PTGIS: variants seen among roughly 807,000 people sequenced by gnomAD.
The protein encoded by PTGIS is prostaglandin I2 synthase.
Under a neutral mutation model 50.3 loss-of-function variants are expected in PTGIS, and 45 were observed. The observed-to-expected ratio is 0.90, with a 90% CI of 0.70 to 1.15. PTGIS has a LOEUF of 1.15. Ranked by LOEUF, PTGIS falls within the 50% of genes most tolerant of loss-of-function variation. PTGIS has a pLI of 0.00. For missense variants in PTGIS, 668 were observed against 661.3 expected, an observed-to-expected ratio of 1.01 and a Z score of -0.11; for synonymous variants, 260 against 267.7, an observed-to-expected ratio of 0.97 and a Z score of 0.28.
intron 5 of PTGIS, among the ~76,000 whole-genome samples, chr20:49,536,449 T>TC: frequency 1.4e-5 from 2 of 146,768 alleles, no homozygotes; most frequent in African/African-American, 4.9e-5. Context: ...CTTTTTCTTT[T>TC]TTTCTTTTCT....
chr20:49,525,095 T>A (rs1981762165), intron 5 of PTGIS, among the ~76,000 whole-genome samples: 3 of 152,036 alleles, frequency 2.0e-5, no homozygotes, highest in African/African-American at 4.8e-5. Context: ...CAGAAAGACA[T>A]CAGCAACAAC....
intron 7 of PTGIS, among the ~76,000 whole-genome samples, chr20:49,513,551 ATC>A (rs1260604975): frequency 6.6e-6 from 1 of 151,984 alleles, no homozygotes; most frequent in Admixed American, 6.5e-5. Flanking sequence ...AGGGCCATCA[ATC>A]TCTGTTCCTG....
rs1395376838 is a variant in PTGIS at position 49,536,476 on chromosome 20, TTC to T, written c.673+3092_673+3093del. Among the ~76,000 whole-genome samples, 77 of 136,826 alleles carry T rather than the reference TTC, an allele frequency of 5.6e-4. 1 individual carries two copies. The highest frequency in any genetic ancestry group is 2.1e-3 in the African/African-American group (68 of 31,678). 89.8% of individuals were successfully genotyped at this position (136,826 alleles called of 152,430 possible). A position where few individuals can be genotyped will look rare whatever the true frequency, so the allele number is the denominator to read the frequency against. On this transcript the variant is annotated intron_variant, in intron 5 of 9. Coordinates refer to ENST00000244043, the MANE Select transcript of PTGIS (RefSeq NM_000961.4). ...TTCTTTTCTTTCTTTCTTTCTTTCT[TTC>T]TTTTTTTTTTTTTTTTTTTTGAGAC...
chr20:49,521,514 C>T (rs113110790), intron 6 of PTGIS, among the ~76,000 whole-genome samples: 2,948 of 152,290 alleles, frequency 0.019, 38 homozygotes, highest in Middle Eastern at 0.061. Context: ...CCTCAGCCAG[C>T]ATCCAGTTTT....
chr20:49,564,096 G>T (rs959620314), intron 1 of PTGIS, among the ~76,000 whole-genome samples: 1 of 152,212 alleles, frequency 6.6e-6, no homozygotes, highest in African/African-American at 2.4e-5. Flanking sequence ...ACCGAATGGG[G>T]CTCGAAAATT....
intron 1 of PTGIS, among the ~76,000 whole-genome samples, chr20:49,556,404 G>A (rs998444832): frequency 6.6e-6 from 1 of 152,134 alleles, no homozygotes; most frequent in Admixed American, 6.6e-5. Context: ...CGTTTACAGG[G>A]TCCTGACCTG....
At chr20:49,523,413 C>CA (rs1369827350) in intron 6 of PTGIS, among the ~76,000 whole-genome samples, 2 of 151,790 alleles carry the variant, frequency 1.3e-5, no homozygotes, top group East Asian at 3.9e-4. Flanking sequence ...CAAGGTGAGG[C>CA]ATATATAGGA....
chr20:49,555,555 G>A (rs1394920727), intron 1 of PTGIS, among the ~76,000 whole-genome samples: 1 of 152,112 alleles, frequency 6.6e-6, no homozygotes, highest in Non-Finnish European at 1.5e-5. Flanking sequence ...ATGAAATGGT[G>A]TTTAATCTTC....
intron 6 of PTGIS, among the ~76,000 whole-genome samples, chr20:49,517,453 AGTGTGTGTGT>A (rs34021649): frequency 3.4e-5 from 5 of 149,156 alleles, no homozygotes; most frequent in African/African-American, 1.2e-4. Context: ...TGTGAGTGTG[AGTGTGTGTGT>A]GTGTGTGTGT....
chr20:49,526,971 T>A (rs1310440702), intron 5 of PTGIS, among the ~76,000 whole-genome samples: 1 of 152,140 alleles, frequency 6.6e-6, no homozygotes, highest in Admixed American at 6.6e-5. Flanking sequence ...TAGTTCTAGG[T>A]ATATAGCCCA....
chr20:49,538,720 T>A (rs925066156), intron 5 of PTGIS, among the ~76,000 whole-genome samples: 1 of 152,056 alleles, frequency 6.6e-6, no homozygotes, highest in Non-Finnish European at 1.5e-5. Context: ...AGTCTGGCTC[T>A]GTCACTCAGG....
chr20:49,562,745 G>A (rs916282993), intron 1 of PTGIS, among the ~76,000 whole-genome samples: 3 of 152,148 alleles, frequency 2.0e-5, no homozygotes. Flanking sequence ...CTCTAAAAAC[G>A]GCCTATTCCT....
At chr20:49,567,862 G>A (rs1038682483) in intron 1 of PTGIS, among the ~76,000 whole-genome samples, 181 bp downstream of exon 1, 1 of 152,186 alleles carries the variant, frequency 6.6e-6, no homozygotes, top group Non-Finnish European at 1.5e-5. Flanking sequence ...GGGGAGCACG[G>A]CCTGGCCCCC....
In PTGIS at chr20:49,539,588, G is replaced by A. The variant is rs138058562; in HGVS notation, c.655C>T (p.Arg219Cys). ...QLDRLLPKLA[R>C]GSLSVGDKDH... ...TGCTTACCCACTGACAGGGAGCCAC[G>A]GGCCAGTTTGGGGAGCAGCCGGTCG... Residue 219 changes from arginine (R) to cysteine (C), a missense_variant, in exon 5 of 10, where the codon CGT becomes TGT. Arg to Cys is a radical substitution (Grantham distance 180). Coordinates refer to ENST00000244043, the MANE Select transcript of PTGIS (RefSeq NM_000961.4). 175 of 1,613,774 alleles carry A rather than the reference G, an allele frequency of 1.1e-4. No homozygotes were observed. In the African/African-American group the frequency reaches 1.4e-3, roughly 13 times the overall value.
chr20:49,514,129 G>T, intron 7 of PTGIS, 98 bp downstream of exon 7: 1 of 1,457,166 alleles, frequency 6.9e-7, no homozygotes, highest in Non-Finnish European at 9.5e-7. Context: ...AGGACACACT[G>T]ATGGACCCTG....
chr20:49,565,181 C>A (rs978396531), intron 1 of PTGIS, among the ~76,000 whole-genome samples: 1 of 151,542 alleles, frequency 6.6e-6, no homozygotes, highest in African/African-American at 2.4e-5. Context: ...TGAGGTTTCA[C>A]CGTGTTAGCC....
At chr20:49,565,991 A>G (rs1982887638) in intron 1 of PTGIS, among the ~76,000 whole-genome samples, 1 of 152,186 alleles carries the variant, frequency 6.6e-6, no homozygotes, top group African/African-American at 2.4e-5. Context: ...GCACCTTGGG[A>G]GGCCGAGGCA....
At chr20:49,521,447 G>C (rs1981649390) in intron 6 of PTGIS, among the ~76,000 whole-genome samples, 1 of 152,206 alleles carries the variant, frequency 6.6e-6, no homozygotes, top group African/African-American at 2.4e-5. Context: ...CCCAGCTCCT[G>C]CCCAGCTCTC....
chr20:49,542,921 A>C (rs939625444), intron 4 of PTGIS, among the ~76,000 whole-genome samples: 1 of 152,006 alleles, frequency 6.6e-6, no homozygotes, highest in Non-Finnish European at 1.5e-5. Flanking sequence ...TCCTAGAGCG[A>C]TTGTGAGCAT....
Sources: gnomAD v4.1 joint callset for allele counts (sites outside exome capture counted in the v4.1 genomes callset) on GRCh38, gnomAD v4.1.1 for gene constraint, MANE v1.5 for transcripts, NCBI Gene and HGNC (gene_info 2026-07-23, HGNC 2026-07-21) for gene names.